CPT1A: variants seen among roughly 807,000 people sequenced by gnomAD.
CPT1A encodes the protein carnitine O-palmitoyltransferase 1, liver isoform.
Under a neutral mutation model 100.8 loss-of-function variants are expected in CPT1A, and 64 were observed. That is an observed-to-expected ratio of 0.63 (90% CI 0.52 to 0.78). The LOEUF is 0.78. Among genes scored for constraint, CPT1A ranks in the 30% least tolerant of loss-of-function variants. The pLI is 0.00. For synonymous variants in CPT1A, 363 were observed against 396.0 expected (o/e 0.92, Z 0.99); for missense variants, 802 against 1,034.1 (o/e 0.78, Z 3.08).
intron 7 of CPT1A, among the ~76,000 whole-genome samples, chr11:68,796,063 C>G (rs1345570150): frequency 1.3e-5 from 2 of 152,162 alleles, no homozygotes; most frequent in Non-Finnish European, 2.9e-5. Flanking sequence ...GGCCTTCTAA[C>G]CATCCATGCT....
At chr11:68,758,265 C>T (rs900454381) in intron 18 of CPT1A, among the ~76,000 whole-genome samples, 7 of 37,546 alleles carry the variant, frequency 1.9e-4, no homozygotes, top group African/African-American at 4.4e-4. Context: ...GAGACCCTGT[C>T]TAAAACAAAC....
intron 3 of CPT1A, among the ~76,000 whole-genome samples, chr11:68,811,945 G>A (rs1045803724): frequency 6.4e-5 from 9 of 141,390 alleles, no homozygotes; most frequent in Non-Finnish European, 1.0e-4. Flanking sequence ...GAGGTAGGAG[G>A]GACGGGGGGG....
At chr11:68,772,730 G>T (rs1454309522) in intron 14 of CPT1A, among the ~76,000 whole-genome samples, 1 of 152,076 alleles carries the variant, frequency 6.6e-6, no homozygotes, top group African/African-American at 2.4e-5. Flanking sequence ...ATTTAATTTA[G>T]TATGGTGAAA....
chr11:68,839,410 T>A, intron 1 of CPT1A: 1 of 712,644 alleles, frequency 1.4e-6, no homozygotes, highest in Non-Finnish European at 1.7e-6. Context: ...AGGGGAAAGG[T>A]CAGCAGCAGC....
chr11:68,761,540 T>C lies in CPT1A; in HGVS notation c.2023A>G (p.Lys675Glu). ...AAGAAGTGGAAGAGACTTACTTCCT[T>C]AAGGAAAGGGGACTCCACAGCGAGA... is the stretch of plus-strand genomic sequence containing the variant. ...KYLAVESPFL[K>E]EVLSEPWRLS... Residue 675 changes from lysine (K) to glutamate (E), a missense_variant, in exon 16 of 19, where the codon AAG becomes GAG. Transcript: ENST00000265641. The C allele has an allele frequency of 6.2e-7, 1 of 1,614,032 alleles. No individual in the cohort carries two copies. Among genetic ancestry groups the C allele is most frequent in the South Asian group, 1.1e-5 (1 of 91,074 alleles).
Position 68,798,685 on chromosome 11 carries a change from C to T in CPT1A, c.693+533G>A, listed in dbSNP as rs184406382. ...CCATCCCTGCATCCACCAGCGAGCTCGGGAAGGATGCCCTTGGAATCAAGA... is the reference window on the plus strand; with the variant it reads ...CCATCCCTGCATCCACCAGCGAGCTTGGGAAGGATGCCCTTGGAATCAAGA... On this transcript the variant is annotated intron_variant, in intron 6 of 18. Coordinates refer to ENST00000265641, the MANE Select transcript of CPT1A (RefSeq NM_001876.4). Among the ~76,000 whole-genome samples the T allele has an allele frequency of 2.2e-4, 33 of 152,010 alleles. No individual in the cohort carries two copies. In the South Asian group the frequency reaches 5.0e-3, roughly 23 times the overall value.
chr11:68,836,880 G>A (rs749819846), intron 1 of CPT1A, among the ~76,000 whole-genome samples: 13 of 152,028 alleles, frequency 8.6e-5, no homozygotes, highest in South Asian at 6.2e-4. Flanking sequence ...AGGAAGGAAT[G>A]AAGGAAATAA....
At chr11:68,806,845 C>T (rs1856060195) in intron 4 of CPT1A, among the ~76,000 whole-genome samples, 1 of 151,942 alleles carries the variant, frequency 6.6e-6, no homozygotes, top group South Asian at 2.1e-4. Flanking sequence ...AAAAGAATTG[C>T]TTGAACCTGG....
At chr11:68,786,436 TG>T (rs1855464666) in intron 9 of CPT1A, among the ~76,000 whole-genome samples, 1 of 152,222 alleles carries the variant, frequency 6.6e-6, no homozygotes, top group Non-Finnish European at 1.5e-5. Context: ...CAACCTAGCC[TG>T]GAGATGTGAG....
chr11:68,836,042 C>T (rs879265135), intron 1 of CPT1A, among the ~76,000 whole-genome samples: 3 of 152,164 alleles, frequency 2.0e-5, no homozygotes, highest in African/African-American at 7.2e-5. Flanking sequence ...CCTGTTGCAC[C>T]CCCACCCCAT....
intron 6 of CPT1A, 113 bp from the exon 7 acceptor site, chr11:68,797,046 C>T (rs1044057330): frequency 1.2e-5 from 12 of 971,794 alleles, no homozygotes; most frequent in African/African-American, 9.7e-5. Flanking sequence ...GCAGACATTT[C>T]GGCGTCTAAC....
Position 68,815,420 on chromosome 11 carries a change from T to C in CPT1A, c.55A>G (p.Ile19Val), listed in dbSNP as rs1566377709. 1 of 1,613,996 alleles carries C rather than the reference T, an allele frequency of 6.2e-7. No individual in the cohort carries two copies. Among genetic ancestry groups the C allele is most frequent in the Non-Finnish European group, 8.5e-7 (1 of 1,180,018 alleles). ...GCTTCATGGCTCAGCCGCAGGTCAA[T>C]CCCGTCCGGAGTGACCGTGAACTGA... ...AFQFTVTPDG[I>V]DLRLSHEALR... The change falls in exon 2 of 19, where the codon ATT (isoleucine) becomes GTT (valine). Residue 19 changes from isoleucine to valine, a missense_variant. Ile to Val is a conservative substitution (Grantham distance 29, BLOSUM62 3). Around this residue, in one of 4 missense-constraint regions of CPT1A, gnomAD observed 11 missense variants for 31.4 expected, o/e 0.35. Coordinates refer to ENST00000265641, the MANE Select transcript of CPT1A (RefSeq NM_001876.4).
At chr11:68,811,665 C>T (rs976486569) in intron 3 of CPT1A, among the ~76,000 whole-genome samples, 6 of 152,162 alleles carry the variant, frequency 3.9e-5, no homozygotes, top group Admixed American at 6.6e-5. Context: ...GACACCTGCA[C>T]CTGTCTGAAT....
chr11:68,827,779 C>T (rs1298268825), intron 1 of CPT1A, among the ~76,000 whole-genome samples: 1 of 152,144 alleles, frequency 6.6e-6, no homozygotes, highest in Non-Finnish European at 1.5e-5. Flanking sequence ...TACAGTGCCA[C>T]CATACACGTG....
At chr11:68,776,177 T>C (rs1594329640) in intron 12 of CPT1A, among the ~76,000 whole-genome samples, 1 of 152,236 alleles carries the variant, frequency 6.6e-6, no homozygotes, top group Non-Finnish European at 1.5e-5. Flanking sequence ...GGTGGGAGGA[T>C]TGCTGGAGGC....
chr11:68,823,076 C>T (rs559560041), intron 1 of CPT1A, among the ~76,000 whole-genome samples: 2 of 152,122 alleles, frequency 1.3e-5, no homozygotes, highest in South Asian at 4.2e-4. Context: ...ATGGCGAAAC[C>T]CTGTCTCTGC....
intron 5 of CPT1A, among the ~76,000 whole-genome samples, chr11:68,802,280 C>T (rs2085062): frequency 0.095 from 14,359 of 151,938 alleles, 683 homozygotes; most frequent in Non-Finnish European, 0.1. Context: ...ATGTTGTGTA[C>T]ATTTTACCAT....
chr11:68,787,942 C>CAAAAAA (rs58079850), intron 9 of CPT1A, among the ~76,000 whole-genome samples: 1 of 45,660 alleles, frequency 2.2e-5, no homozygotes, highest in Non-Finnish European at 4.6e-5. Flanking sequence ...GACTCAGTCT[C>CAAAAAA]AAAAAAAAAA....
intron 16 of CPT1A, 108 bp from the exon 17 acceptor site, chr11:68,760,446 A>G: frequency 1.2e-6 from 1 of 856,098 alleles, no homozygotes; most frequent in Non-Finnish European, 1.9e-6. Context: ...ATTGTTCCAC[A>G]CACCACAAGT....
Sources: gnomAD v4.1 joint callset for allele counts (sites outside exome capture counted in the v4.1 genomes callset) on GRCh38, gnomAD v4.1.1 for gene constraint, gnomAD v4.1.1 regional missense constraint, MANE v1.5 for transcripts, NCBI Gene and HGNC (gene_info 2026-07-23, HGNC 2026-07-21) for gene names.